ZNF831: variants seen among roughly 807,000 people sequenced by gnomAD.
The protein encoded by ZNF831 is zinc finger protein 831, also known as chromosome 20 open reading frame 174.
A neutral mutation model predicts 95.8 loss-of-function variants in ZNF831; 59 were observed. The observed-to-expected ratio is 0.62, with a 90% CI of 0.50 to 0.77. The LOEUF (loss-of-function observed/expected upper bound fraction) is 0.77, where lower values mean the gene tolerates loss of function less well. Ranked by LOEUF, ZNF831 falls within the 30% of genes least tolerant of loss-of-function variation. The pLI is 0.00. For synonymous variants in ZNF831, 961 were observed against 925.5 expected (o/e 1.04, Z -0.70); for missense variants, 2,205 against 2,164.0 (o/e 1.02, Z -0.38).
intron 2 of ZNF831, among the ~76,000 whole-genome samples, chr20:59,151,917 G>T (rs1980267302): frequency 6.6e-6 from 1 of 152,196 alleles, no homozygotes; most frequent in South Asian, 2.1e-4. Flanking sequence ...GGGCTTGATT[G>T]AATGGTTGAA....
chr20:59,184,400 T>TC (rs1468606022), intron 1 of ZNF831, among the ~76,000 whole-genome samples: 368 of 148,034 alleles, frequency 2.5e-3, no homozygotes, highest in African/African-American at 7.4e-3. Flanking sequence ...TTCCTCTTCC[T>TC]CCCTCCCCCC....
At chr20:59,221,176 C>A (rs1384936443) in intron 4 of ZNF831, among the ~76,000 whole-genome samples, 1 of 152,238 alleles carries the variant, frequency 6.6e-6, no homozygotes, top group South Asian at 2.1e-4. Flanking sequence ...CCCCCCAGGT[C>A]TGGACAAGAC....
Position 59,169,301 on chromosome 20 carries a change from G to A in ZNF831, c.-37+5094G>A, listed in dbSNP as rs963940887. ...GGTAGTTTGCGCTTTTTGAGGAATT[G>A]GTCCACTTCATCTAAGTCATCAAAT... On this transcript the variant is annotated intron_variant, in intron 1 of 5. Transcript: ENST00000371030. This position sits in a 1 kb window ranked among gnomAD's most constrained non-coding sequence, Gnocchi z 4.1. Among the ~76,000 whole-genome samples the A allele has an allele frequency of 6.6e-6, 1 of 152,144 alleles. No individual in the cohort carries two copies. Among genetic ancestry groups the A allele is most frequent in the African/African-American group, 2.4e-5 (1 of 41,438 alleles).
chr20:59,201,500 T>C (rs989901031), intron 3 of ZNF831, among the ~76,000 whole-genome samples: 1 of 152,194 alleles, frequency 6.6e-6, no homozygotes. Context: ...TAATTTACCT[T>C]TTTTTGTTAT....
chr20:59,176,176 A>T lies in ZNF831; in HGVS notation c.-37+11969A>T, dbSNP rs140889991. Among the ~76,000 whole-genome samples, 36 of 152,354 alleles carry T rather than the reference A, an allele frequency of 2.4e-4. No individual in the cohort carries two copies. The East Asian group carries it at 6.7e-3, about 29-fold the overall frequency. On this transcript the variant is annotated intron_variant, in intron 1 of 5. Transcript: ENST00000371030. ...ATGATTGGAGCACACAACAGCTTGG[A>T]TGGCTCTCAAAGGTATTGTCCTGAA...
At position 59,165,940 on chromosome 20, in the gene ZNF831, A is replaced by C. The variant is rs1466321115; in HGVS notation, c.-37+1733A>C. ...AATTTTTTTGTATTTTTAGTAGAGAAGGGGTTTCGCCATTTTGGCTAGGCT... is the reference window on the plus strand; with the variant it reads ...AATTTTTTTGTATTTTTAGTAGAGACGGGGTTTCGCCATTTTGGCTAGGCT... On this transcript the variant is annotated intron_variant, in intron 1 of 5. Coordinates refer to ENST00000371030, the MANE Select transcript of ZNF831 (RefSeq NM_178457.3). Among the ~76,000 whole-genome samples, 6 of 151,866 alleles carry C rather than the reference A, an allele frequency of 4.0e-5. No individual in the cohort carries two copies. In the East Asian group the frequency reaches 1.2e-3, roughly 29 times the overall value.
intron 4 of ZNF831, among the ~76,000 whole-genome samples, chr20:59,219,196 C>T (rs1243407027): frequency 1.3e-5 from 2 of 152,036 alleles, no homozygotes; most frequent in South Asian, 2.1e-4. Context: ...TTTTGAAGCC[C>T]CATGAGAGGA....
chr20:59,126,286 T>C (rs1568719548), intron 1 of ZNF831, among the ~76,000 whole-genome samples: 1 of 152,192 alleles, frequency 6.6e-6, no homozygotes. Context: ...GTAGGAACTC[T>C]TGGATTGTAA....
chr20:59,225,010 T>C (rs1986339853), intron 4 of ZNF831, among the ~76,000 whole-genome samples: 1 of 152,008 alleles, frequency 6.6e-6, no homozygotes, highest in Non-Finnish European at 1.5e-5. Flanking sequence ...TGCTTTTAAC[T>C]GGTGGGGGAA....
In ZNF831 at chr20:59,255,560, G is replaced by A. The variant is rs1049270508; in HGVS notation, c.*817G>A. On this transcript the variant is annotated 3_prime_UTR_variant, in exon 6 of 6. Transcript: ENST00000371030. ...TAATAGAACTGTCTCTCTGTAATGA[G>A]TCATTTTTTGAGAGGGAAAAATTCA... 6.6e-6 allele frequency: 1 copy of A among 152,128 alleles called. No homozygotes were observed. Among genetic ancestry groups the A allele is most frequent in the Admixed American group, 6.5e-5 (1 of 15,278 alleles). The allele number at this position is 152,128 out of a possible 1,614,324, so 9.4% of individuals were successfully genotyped here. A position where few individuals can be genotyped will look rare whatever the true frequency, so the allele number is the denominator to read the frequency against.
intron 4 of ZNF831, among the ~76,000 whole-genome samples, chr20:59,250,849 C>A (rs564112603): frequency 1.2e-4 from 19 of 152,072 alleles, no homozygotes; most frequent in African/African-American, 4.3e-4. Context: ...AGAAACAGAA[C>A]ATCACAGCGA....
At chr20:59,139,664 G>A (rs891846458) in intron 1 of ZNF831, among the ~76,000 whole-genome samples, 21 of 152,186 alleles carry the variant, frequency 1.4e-4, no homozygotes, top group African/African-American at 5.1e-4. Context: ...GGACAGACTG[G>A]AGGACTGGAG....
At chr20:59,229,644 TG>T (rs1236112954) in intron 4 of ZNF831, among the ~76,000 whole-genome samples, 9 of 152,244 alleles carry the variant, frequency 5.9e-5, no homozygotes, top group African/African-American at 1.9e-4. Flanking sequence ...ACAAGGCGTC[TG>T]GGTATAGGTG....
chr20:59,246,648 GA>G (rs1987622182), intron 4 of ZNF831, among the ~76,000 whole-genome samples: 1 of 152,158 alleles, frequency 6.6e-6, no homozygotes, highest in South Asian at 2.1e-4. Flanking sequence ...GCTTTGCACT[GA>G]ATTCAGGATT....
chr20:59,164,840 C>T (rs1314465521), intron 1 of ZNF831, among the ~76,000 whole-genome samples: 1 of 152,140 alleles, frequency 6.6e-6, no homozygotes, highest in African/African-American at 2.4e-5. Flanking sequence ...TGAGAGGTAA[C>T]GTGTTTCTCC....
chr20:59,225,775 C>A (rs935471496), intron 4 of ZNF831, among the ~76,000 whole-genome samples: 1 of 152,172 alleles, frequency 6.6e-6, no homozygotes, highest in African/African-American at 2.4e-5. Context: ...TCAGGGAAAT[C>A]GTGCAATGTC....
intron 4 of ZNF831, among the ~76,000 whole-genome samples, chr20:59,245,487 A>C (rs570593280): frequency 7.2e-5 from 11 of 152,124 alleles, no homozygotes; most frequent in Admixed American, 7.2e-4. Flanking sequence ...AGGGTTTCTC[A>C]ACCTGGGCAC....
At chr20:59,241,600 G>A (rs189191285) in intron 4 of ZNF831, among the ~76,000 whole-genome samples, 11 of 152,310 alleles carry the variant, frequency 7.2e-5, no homozygotes, top group South Asian at 2.1e-4. Context: ...GCCAGAAAGC[G>A]TAGATTCTTG....
chr20:59,193,801 G>A lies in ZNF831; in HGVS notation c.2782G>A (p.Val928Met). The A allele has an allele frequency of 1.2e-6, 2 of 1,611,582 alleles. No homozygotes were observed. Among genetic ancestry groups the A allele is most frequent in the South Asian group, 2.2e-5 (2 of 90,598 alleles). ...GGCCACCCCACCTCAGGCTCCTAGA[G>A]TGCTCTCTGCCCTGGCAGATAATGC... The part of the protein sequence containing the change: ...SLATPPQAPR[V>M]LSALADNAFS... Residue 928 changes from valine (V) to methionine (M), a missense_variant, in exon 2 of 6, where the codon GTG becomes ATG. Physicochemically the swap from Val to Met is conservative, Grantham distance 21. Coordinates refer to ENST00000371030, the MANE Select transcript of ZNF831 (RefSeq NM_178457.3).
Sources: allele counts gnomAD v4.1 joint callset (sites outside exome capture counted in the v4.1 genomes callset), GRCh38; gene constraint gnomAD v4.1.1; non-coding constraint Gnocchi (gnomAD v3.1); transcripts MANE v1.5; gene names NCBI Gene and HGNC (gene_info 2026-07-23, HGNC 2026-07-21).